The following CDYL variants were observed in gnomAD, a reference collection of about 807,000 sequenced individuals.
The protein encoded by CDYL is chromodomain Y-like protein.
CDYL carries 8 observed loss-of-function variants against 47.3 expected under a neutral mutation model. The observed-to-expected ratio is 0.17, with a 90% confidence interval of 0.10 to 0.31. The LOEUF is 0.31. CDYL is among the 10% of genes least tolerant of loss of function. The pLI is 1.00. For synonymous variants in CDYL, 266 were observed against 265.0 expected (o/e 1.00, Z -0.04); for missense variants, 471 against 701.4 (o/e 0.67, Z 3.71).
intron 1 of CDYL, among the ~76,000 whole-genome samples, chr6:4,788,480 C>CCAAAAAAAAAAA (rs1758820985): frequency 6.6e-5 from 4 of 61,064 alleles, no homozygotes; most frequent in African/African-American, 3.0e-4. Context: ...GAGACTCTGT[C>CCAAAAAAAAAAA]AAAAAAAAAA....
At chr6:4,860,652 AAT>A (rs1353668673) in intron 1 of CDYL, among the ~76,000 whole-genome samples, 1 of 147,830 alleles carries the variant, frequency 6.8e-6, no homozygotes, top group Non-Finnish European at 1.5e-5. Context: ...ATATATAAAT[AAT>A]ATATATAGGA....
In CDYL at chr6:4,806,740, G is replaced by A. The variant is rs1356253645; in HGVS notation, c.24+29933G>A. 2.0e-5 allele frequency among the ~76,000 whole-genome samples: 3 copies of A among 152,194 alleles called. No homozygotes were observed. In the East Asian group the frequency reaches 5.8e-4, roughly 29 times the overall value. Reference sequence around the variant, plus strand: ...GATGATCTGGACACTTTCAAAGAGTGCCTTTAAGTTCTTTTGTAAAATGTT... The same window carrying A: ...GATGATCTGGACACTTTCAAAGAGTACCTTTAAGTTCTTTTGTAAAATGTT... On this transcript the variant is annotated intron_variant, in intron 1 of 6. Transcript: ENST00000397588.
intron 3 of CDYL, 58 bp downstream of exon 3, chr6:4,935,829 G>A: frequency 6.2e-7 from 1 of 1,600,802 alleles, no homozygotes; most frequent in Non-Finnish European, 8.5e-7. Context: ...TGATTTCCAG[G>A]CCTGCCTGGC....
At chr6:4,826,608 C>G (rs1205174689) in intron 1 of CDYL, among the ~76,000 whole-genome samples, 1 of 152,088 alleles carries the variant, frequency 6.6e-6, no homozygotes, top group Non-Finnish European at 1.5e-5. Flanking sequence ...TTTTTTGACC[C>G]ATGGTTGTTG....
At chr6:4,839,142 T>G (rs183507511) in intron 1 of CDYL, among the ~76,000 whole-genome samples, 2 of 152,366 alleles carry the variant, frequency 1.3e-5, no homozygotes, top group Admixed American at 1.3e-4. Flanking sequence ...GGTATCGCAT[T>G]GTGGTTTTGA....
intron 1 of CDYL, among the ~76,000 whole-genome samples, chr6:4,878,323 G>C (rs1436696827): frequency 6.6e-6 from 1 of 151,738 alleles, no homozygotes; most frequent in Non-Finnish European, 1.5e-5. Flanking sequence ...TTCCTCAAAT[G>C]TTTGATAGAA....
intron 1 of CDYL, among the ~76,000 whole-genome samples, chr6:4,817,430 G>A (rs748491426): frequency 2.3e-4 from 33 of 141,566 alleles, no homozygotes; most frequent in African/African-American, 9.1e-4. Flanking sequence ...CACTCCCACC[G>A]GCAGTACCTG....
intron 1 of CDYL, among the ~76,000 whole-genome samples, chr6:4,784,737 G>A (rs1057177077): frequency 7.2e-5 from 11 of 152,180 alleles, no homozygotes; most frequent in African/African-American, 2.6e-4. Flanking sequence ...ATATGGTTTG[G>A]CTGTGTCCTC....
intron 1 of CDYL, among the ~76,000 whole-genome samples, chr6:4,790,549 C>A: frequency 6.6e-6 from 1 of 152,162 alleles, no homozygotes; most frequent in South Asian, 2.1e-4. Context: ...CCCTGGTCAT[C>A]ATACATGGGA....
intron 1 of CDYL, among the ~76,000 whole-genome samples, chr6:4,841,983 A>C (rs1760504792): frequency 6.9e-6 from 1 of 145,718 alleles, no homozygotes; most frequent in Non-Finnish European, 1.5e-5. Context: ...AATATTAATA[A>C]TAAATTATTA....
intron 1 of CDYL, among the ~76,000 whole-genome samples, chr6:4,778,416 G>C (rs1758527179): frequency 6.6e-6 from 1 of 152,168 alleles, no homozygotes; most frequent in Non-Finnish European, 1.5e-5. Flanking sequence ...TATGAACTAA[G>C]TTTAGTTCCT....
intron 1 of CDYL, among the ~76,000 whole-genome samples, chr6:4,789,961 C>G (rs2063675): frequency 1.3e-5 from 2 of 152,316 alleles, no homozygotes; most frequent in East Asian, 3.9e-4. Context: ...TGTGCTCCCC[C>G]TTCCCTGTGG....
intron 2 of CDYL, among the ~76,000 whole-genome samples, chr6:4,928,486 C>T (rs542861325): frequency 6.8e-4 from 103 of 152,308 alleles, no homozygotes; most frequent in African/African-American, 2.4e-3. Flanking sequence ...TAAGCTATCT[C>T]ACAACATCTT....
rs146296711 is a variant in CDYL, at chr6:4,789,230, C to T, written c.24+12423C>T. Among the ~76,000 whole-genome samples, 504 of 152,258 alleles carry T rather than the reference C, an allele frequency of 3.3e-3. 5 individuals carry two copies. The highest frequency in any genetic ancestry group is 0.011 in the African/African-American group (460 of 41,550). On this transcript the variant is annotated intron_variant, in intron 1 of 6. Coordinates refer to ENST00000397588, the MANE Select transcript of CDYL (RefSeq NM_004824.4). ...AGCTGGAACCATGGGTGTGCACCACCGTGCCTGGCTAATTTTTGTATTTTT... is the reference window on the plus strand; with the variant it reads ...AGCTGGAACCATGGGTGTGCACCACTGTGCCTGGCTAATTTTTGTATTTTT...
chr6:4,823,967 T>C (rs944412598), intron 1 of CDYL, among the ~76,000 whole-genome samples: 27 of 152,254 alleles, frequency 1.8e-4, no homozygotes, highest in African/African-American at 6.5e-4. Flanking sequence ...ATATTTGATA[T>C]AAGGGAGATC....
chr6:4,872,025 G>C (rs775492156), intron 1 of CDYL, among the ~76,000 whole-genome samples: 3 of 152,166 alleles, frequency 2.0e-5, no homozygotes, highest in African/African-American at 4.8e-5. Flanking sequence ...TGCTTTATCT[G>C]TCTGTCATTG....
intron 2 of CDYL, among the ~76,000 whole-genome samples, chr6:4,907,769 C>G (rs562115499): frequency 6.6e-6 from 1 of 152,322 alleles, no homozygotes; most frequent in East Asian, 1.9e-4. Flanking sequence ...ATTTATAAAA[C>G]TTAGCACATT....
At chr6:4,725,294 G>C (rs548395791) in intron 2 of CDYL, among the ~76,000 whole-genome samples, 45 of 152,362 alleles carry the variant, frequency 3.0e-4, no homozygotes, top group Non-Finnish European at 5.7e-4. Context: ...GAGGGTGCAG[G>C]TGGAGCTGCC....
chr6:4,872,709 A>G (rs1032313868), intron 1 of CDYL, among the ~76,000 whole-genome samples: 3 of 152,212 alleles, frequency 2.0e-5, no homozygotes, highest in Admixed American at 6.5e-5. Flanking sequence ...AGATATGTGA[A>G]GGCTTGCCTA....
Sources: allele counts gnomAD v4.1 joint callset (sites outside exome capture counted in the v4.1 genomes callset), GRCh38; gene constraint gnomAD v4.1.1; transcripts MANE v1.5; gene names NCBI Gene and HGNC (gene_info 2026-07-23, HGNC 2026-07-21).